Variants in MAPK10 observed in about 807,000 individuals in gnomAD.
The protein encoded by MAPK10 is JNK3 alpha protein kinase.
MAPK10 carries 25 observed loss-of-function variants against 59.3 expected under a neutral mutation model. The observed-to-expected ratio is 0.42, with a 90% CI of 0.31 to 0.59. The LOEUF (loss-of-function observed/expected upper bound fraction) is 0.59, where lower values mean the gene tolerates loss of function less well. MAPK10 is among the 20% of genes least tolerant of loss of function. The pLI is 0.15. For synonymous variants in MAPK10, 190 were observed against 200.5 expected (o/e 0.95, Z 0.44); for missense variants, 351 against 568.9 (o/e 0.62, Z 3.90).
At chr4:86,353,007 G>T (rs1029715865) in intron 2 of MAPK10, among the ~76,000 whole-genome samples, 5 of 152,064 alleles carry the variant, frequency 3.3e-5, no homozygotes, top group Admixed American at 2.0e-4. Context: ...AGGCTTCTGG[G>T]TCTGTTAAAA....
At chr4:86,247,935 G>T (rs1362650655) in intron 2 of MAPK10, among the ~76,000 whole-genome samples, 2 of 152,224 alleles carry the variant, frequency 1.3e-5, no homozygotes, top group Middle Eastern at 3.4e-3. Flanking sequence ...AGGATGTCAG[G>T]CTTGGCCAAT....
rs2095954013 is a variant in MAPK10, at chr4:86,323,661, T to G, written c.-7+30869A>C. On this transcript the variant is annotated intron_variant, in intron 2 of 13. Transcript: ENST00000641462. ...AGATACACAAAGTTCCCAGTCATAG[T>G]CTCTGAGGCTTTAGTGCCTGGAAAG... is the stretch of plus-strand genomic sequence containing the variant. Among the ~76,000 whole-genome samples the G allele has an allele frequency of 2.0e-5, 3 of 152,320 alleles. No individual in the cohort carries two copies. The South Asian group carries it at 6.2e-4, about 32-fold the overall frequency.
chr4:86,513,619 G>A (rs1756444486), intron 1 of MAPK10, among the ~76,000 whole-genome samples: 1 of 151,962 alleles, frequency 6.6e-6, no homozygotes, highest in African/African-American at 2.4e-5. Flanking sequence ...CCCACAGTAG[G>A]ATTTCCCACA....
At chr4:86,192,852 C>T (rs1303602824) in intron 3 of MAPK10, 1 of 152,048 alleles carries the variant, frequency 6.6e-6, no homozygotes, top group Non-Finnish European at 1.5e-5. Context: ...GGAGAAGAGG[C>T]ATTCTGGCTT....
intron 1 of MAPK10, among the ~76,000 whole-genome samples, chr4:86,480,403 C>T (rs1036911109): frequency 6.6e-6 from 1 of 152,048 alleles, no homozygotes. Context: ...ATGACCCCAC[C>T]CCTATCTCTC....
intron 2 of MAPK10, among the ~76,000 whole-genome samples, chr4:86,257,777 C>T (rs1413458179): frequency 2.0e-5 from 3 of 152,194 alleles, no homozygotes; most frequent in Non-Finnish European, 1.5e-5. Context: ...ATCAGTTCCT[C>T]ACACACATTC....
chr4:86,238,407 A>ATTCAATTT lies in MAPK10; in HGVS notation c.-6-44001_-6-44000insAAATTGAA, dbSNP rs776547511. ...AGAATGTCAAAGGTAGTTTGATGGG[A>ATTCAATTT]ATAGCATTGAATCTATAAATTACTT... On this transcript the variant is annotated intron_variant, in intron 2 of 13. Coordinates refer to ENST00000641462, the MANE Select transcript of MAPK10 (RefSeq NM_138982.4). Among the ~76,000 whole-genome samples the ATTCAATTT allele has an allele frequency of 2.5e-3, 384 of 152,240 alleles. 1 individual carries two copies. The highest frequency in any genetic ancestry group is 5.1e-3 in the Admixed American group (78 of 15,294).
At chr4:86,572,673 G>A (rs888014466) in intron 1 of MAPK10, among the ~76,000 whole-genome samples, 1 of 152,152 alleles carries the variant, frequency 6.6e-6, no homozygotes, top group East Asian at 1.9e-4. Flanking sequence ...TTGAGCATGA[G>A]GCCCTGTTCA....
At chr4:86,243,613 G>A (rs936893267) in intron 2 of MAPK10, among the ~76,000 whole-genome samples, 2 of 152,012 alleles carry the variant, frequency 1.3e-5, no homozygotes, top group African/African-American at 4.8e-5. Flanking sequence ...CCTTTCCTCA[G>A]CCTGAACCTC....
At position 86,017,312 on chromosome 4, in the gene MAPK10, G is replaced by A. The variant is rs758368284; in HGVS notation, c.1311C>T (p.Ser437=). 16 of 1,614,046 alleles carry A rather than the reference G, an allele frequency of 9.9e-6. No homozygotes were observed. Among genetic ancestry groups the A allele is most frequent in the African/African-American group, 1.3e-5 (1 of 74,922 alleles). Residue 437 remains serine (S), a synonymous_variant, in exon 14 of 14, where the codon TCC becomes TCT. Coordinates refer to ENST00000641462, the MANE Select transcript of MAPK10 (RefSeq NM_138982.4). This position sits in a 1 kb window ranked among gnomAD's most constrained non-coding sequence, Gnocchi z 4.4. The part of the protein sequence containing the change: ...LPPSSSVNDI[S]SMSTDQTLAS... ...CCAGGGTCTGGTCGGTGGACATGGA[G>A]GAGATGTCATTGACAGACGAGGATG...
At chr4:86,098,825 C>T (rs1428029945) in intron 8 of MAPK10, 3 of 430,936 alleles carry the variant, frequency 7.0e-6, no homozygotes, top group Non-Finnish European at 8.5e-6. Context: ...TTTGTGGGTG[C>T]CTTACATTGC....
chr4:86,559,443 T>C (rs756396566), intron 1 of MAPK10, among the ~76,000 whole-genome samples: 4 of 152,152 alleles, frequency 2.6e-5, no homozygotes, highest in Non-Finnish European at 5.9e-5. Context: ...TCTATTAAAT[T>C]GTACTCAATA....
intron 1 of MAPK10, among the ~76,000 whole-genome samples, chr4:86,461,083 GA>G (rs1275381788): frequency 7.9e-5 from 12 of 151,748 alleles, no homozygotes; most frequent in Non-Finnish European, 1.5e-4. Flanking sequence ...TCATTGGAGT[GA>G]TGGTTGGAGA....
intron 9 of MAPK10, among the ~76,000 whole-genome samples, chr4:86,085,219 C>T (rs1477339546): frequency 6.6e-6 from 1 of 152,102 alleles, no homozygotes; most frequent in African/African-American, 2.4e-5. Context: ...CTCCCAAACA[C>T]AAGCAACCAA....
intron 11 of MAPK10, chr4:86,044,652 T>C (rs1260732635): frequency 1.8e-5 from 7 of 396,818 alleles, no homozygotes; most frequent in Non-Finnish European, 3.1e-5. Context: ...ATTTGTGAAT[T>C]GTAATCAAAG....
chr4:86,252,489 G>T (rs908174644), intron 2 of MAPK10, among the ~76,000 whole-genome samples: 6 of 142,302 alleles, frequency 4.2e-5, no homozygotes, highest in Non-Finnish European at 9.0e-5. Flanking sequence ...TTGTAGGTAT[G>T]CGGCGTTATT....
At chr4:86,284,984 AG>A (rs2094945012) in intron 2 of MAPK10, among the ~76,000 whole-genome samples, 1 of 152,204 alleles carries the variant, frequency 6.6e-6, no homozygotes, top group African/African-American at 2.4e-5. Flanking sequence ...TGCCTTTTGC[AG>A]TCTTATTTAC....
At chr4:86,055,181 A>G (rs1242289411) in intron 11 of MAPK10, among the ~76,000 whole-genome samples, 1 of 152,232 alleles carries the variant, frequency 6.6e-6, no homozygotes, top group Non-Finnish European at 1.5e-5. Context: ...CAAGTTTAAA[A>G]TATACAAGAA....
At chr4:86,576,327 G>T (rs1045037314) in intron 1 of MAPK10, among the ~76,000 whole-genome samples, 1 of 152,094 alleles carries the variant, frequency 6.6e-6, no homozygotes, top group African/African-American at 2.4e-5. Context: ...AAGAAAATTA[G>T]AGGTTTAGCA....
Sources: allele counts gnomAD v4.1 joint callset (sites outside exome capture counted in the v4.1 genomes callset), GRCh38; gene constraint gnomAD v4.1.1; non-coding constraint Gnocchi (gnomAD v3.1); transcripts MANE v1.5; gene names NCBI Gene and HGNC (gene_info 2026-07-23, HGNC 2026-07-21).